Variants in ENOX1 observed in about 807,000 individuals in gnomAD.
ENOX1 encodes candidate growth-related and time keeping constitutive hydroquinone (NADH) oxidase.
A neutral mutation model predicts 82.5 loss-of-function variants in ENOX1; 42 were observed. The ratio of observed to expected loss-of-function variants is 0.51; its 90% CI spans 0.40 to 0.66. ENOX1 has a LOEUF of 0.66. ENOX1 is among the 30% of genes least tolerant of loss of function. The pLI is 0.00. For missense variants in ENOX1, 608 were observed against 811.6 expected (o/e 0.75, Z 3.05); for synonymous variants, 271 against 282.2 (o/e 0.96, Z 0.40).
chr13:43,359,635 T>TA (rs1469015944), intron 7 of ENOX1: 6 of 565,644 alleles, frequency 1.1e-5, no homozygotes, highest in Non-Finnish European at 1.9e-5. Context: ...ATGGAATTCC[T>TA]AAAGACTGGA....
chr13:43,617,420 A>C (rs1345343593), intron 2 of ENOX1, among the ~76,000 whole-genome samples: 1 of 152,222 alleles, frequency 6.6e-6, no homozygotes, highest in African/African-American at 2.4e-5. Flanking sequence ...ATCAAAAGAC[A>C]ATTTCACTTT....
intron 3 of ENOX1, among the ~76,000 whole-genome samples, chr13:43,432,827 T>A (rs575913733): frequency 1.3e-5 from 2 of 152,260 alleles, no homozygotes; most frequent in East Asian, 1.9e-4. Flanking sequence ...TTCTTTTTTT[T>A]AAGGGGGATT....
chr13:43,671,812 T>G (rs1392063260), intron 1 of ENOX1, among the ~76,000 whole-genome samples: 1 of 152,170 alleles, frequency 6.6e-6, no homozygotes. Context: ...ATTCAGGGAC[T>G]AGGCTAGCAG....
At chr13:43,480,059 C>T (rs561963730) in intron 3 of ENOX1, among the ~76,000 whole-genome samples, 2 of 152,052 alleles carry the variant, frequency 1.3e-5, no homozygotes, top group South Asian at 4.2e-4. Flanking sequence ...CCATAGCCTC[C>T]TGAAGTAGCT....
At chr13:43,613,339 T>C (rs2082277373) in intron 2 of ENOX1, among the ~76,000 whole-genome samples, 1 of 152,142 alleles carries the variant, frequency 6.6e-6, no homozygotes, top group Admixed American at 6.5e-5. Context: ...AGGTTTCTTT[T>C]AGGATGGTGA....
chr13:43,661,766 G>C (rs1180395649), intron 2 of ENOX1, among the ~76,000 whole-genome samples: 1 of 152,056 alleles, frequency 6.6e-6, no homozygotes, highest in Non-Finnish European at 1.5e-5. Flanking sequence ...AAAAGAAACG[G>C]GACTGAATTA....
chr13:43,627,382 T>C (rs534537747), intron 2 of ENOX1, among the ~76,000 whole-genome samples: 17 of 152,178 alleles, frequency 1.1e-4, no homozygotes, highest in African/African-American at 4.1e-4. Flanking sequence ...TAGAATTCCA[T>C]TTTGATTCAC....
intron 2 of ENOX1, among the ~76,000 whole-genome samples, chr13:43,665,000 G>A (rs1367696401): frequency 6.6e-6 from 1 of 152,172 alleles, no homozygotes; most frequent in African/African-American, 2.4e-5. Context: ...AATCTCCTGC[G>A]GGGCTGGAAA....
At chr13:43,409,317 A>T (rs899853596) in intron 5 of ENOX1, among the ~76,000 whole-genome samples, 9 of 152,192 alleles carry the variant, frequency 5.9e-5, no homozygotes, top group South Asian at 2.1e-4. Context: ...CTAGTTCCAC[A>T]TGTAGGAGTC....
chr13:43,784,279 T>C (rs182074474), intron 1 of ENOX1, among the ~76,000 whole-genome samples: 8 of 152,316 alleles, frequency 5.3e-5, no homozygotes, highest in Middle Eastern at 3.4e-3. Flanking sequence ...CTAAATTTAA[T>C]AGGCCCACAA....
intron 3 of ENOX1, among the ~76,000 whole-genome samples, chr13:43,457,152 A>G (rs1425407512): frequency 6.6e-6 from 1 of 152,162 alleles, no homozygotes; most frequent in Non-Finnish European, 1.5e-5. Context: ...CATGTGTTCA[A>G]TCTAATAAAA....
intron 1 of ENOX1, among the ~76,000 whole-genome samples, chr13:43,713,986 G>A (rs1300927613): frequency 7.1e-6 from 1 of 140,516 alleles, no homozygotes; most frequent in Non-Finnish European, 1.5e-5. Context: ...TACTTTTCTA[G>A]TTCTTTTAAT....
intron 8 of ENOX1, among the ~76,000 whole-genome samples, chr13:43,345,418 A>G (rs2049318778): frequency 6.6e-6 from 1 of 152,196 alleles, no homozygotes; most frequent in Non-Finnish European, 1.5e-5. Context: ...TTTGCTTTAG[A>G]TGGCTATGGA....
At chr13:43,627,083 T>G (rs1371948137) in intron 2 of ENOX1, among the ~76,000 whole-genome samples, 2 of 152,014 alleles carry the variant, frequency 1.3e-5, no homozygotes, top group African/African-American at 4.8e-5. Context: ...AAAGTCTACT[T>G]TATCTGATAT....
chr13:43,660,265 A>G (rs1339969667), intron 2 of ENOX1, among the ~76,000 whole-genome samples: 2 of 152,176 alleles, frequency 1.3e-5, no homozygotes. Flanking sequence ...CTGTTGCCCT[A>G]TTTCTTTGCT....
chr13:43,213,777 T>A lies in ENOX1; in HGVS notation c.*213A>T, dbSNP rs2041310564. On this transcript the variant is annotated 3_prime_UTR_variant, in exon 17 of 17. Transcript: ENST00000690772. ...TTGTTTGGTTTTCATAGGAAACAGA[T>A]CTGTCACAGTATGAAGCTTTGTTTA... 2.8e-6 allele frequency: 1 copy of A among 356,368 alleles called. No individual in the cohort carries two copies. Among genetic ancestry groups the A allele is most frequent in the African/African-American group, 2.1e-5 (1 of 47,670 alleles). The allele number at this position is 356,368 out of a possible 1,614,324, so 22.1% of individuals were successfully genotyped here.
At chr13:43,657,598 A>C (rs1025098442) in intron 2 of ENOX1, among the ~76,000 whole-genome samples, 1 of 152,212 alleles carries the variant, frequency 6.6e-6, no homozygotes, top group Non-Finnish European at 1.5e-5. Context: ...GAAGCAGTCC[A>C]TGTAGCTGCT....
At chr13:43,641,387 GC>G (rs1191814968) in intron 2 of ENOX1, among the ~76,000 whole-genome samples, 1 of 152,034 alleles carries the variant, frequency 6.6e-6, no homozygotes, top group African/African-American at 2.4e-5. Context: ...CTGAAACAGT[GC>G]TATCCCTATC....
At chr13:43,684,392 T>C (rs1384322370) in intron 1 of ENOX1, among the ~76,000 whole-genome samples, 2 of 152,128 alleles carry the variant, frequency 1.3e-5, no homozygotes, top group Non-Finnish European at 2.9e-5. Flanking sequence ...TAAAATTGAA[T>C]TGTCTAGAGG....
Sources: gnomAD v4.1 joint callset for allele counts (sites outside exome capture counted in the v4.1 genomes callset) on GRCh38, gnomAD v4.1.1 for gene constraint, MANE v1.5 for transcripts, NCBI Gene and HGNC (gene_info 2026-07-23, HGNC 2026-07-21) for gene names.